Variants in ANK2 observed in about 807,000 individuals in gnomAD.
ANK2 encodes ankyrin-2.
In ANK2, 83 loss-of-function variants were observed where a neutral mutation model predicts 360.5. The ratio of observed to expected loss-of-function variants is 0.23; its 90% CI spans 0.19 to 0.28. The LOEUF is 0.28. Among genes scored for constraint, ANK2 ranks in the 10% least tolerant of loss-of-function variants. The pLI is 1.00. For synonymous variants in ANK2, 1,740 were observed against 1,759.5 expected (o/e 0.99, Z 0.28); for missense variants, 4,201 against 4,795.7 (o/e 0.88, Z 3.66).
At chr4:112,731,418 TTTTTCC>T in the ANK2 span, among the ~76,000 whole-genome samples, 3 of 151,922 alleles carry the variant, frequency 2.0e-5, no homozygotes, top group South Asian at 6.2e-4. Context: ...TATGTACACT[TTTTTCC>T]ATTAAAATAA....
chr4:112,770,414 A>T, the ANK2 span, among the ~76,000 whole-genome samples: 1 of 152,178 alleles, frequency 6.6e-6, no homozygotes, highest in Non-Finnish European at 1.5e-5. Context: ...TATCAGATTT[A>T]TGTGCATTAG....
the ANK2 span, among the ~76,000 whole-genome samples, chr4:112,751,428 G>A: frequency 6.6e-6 from 1 of 152,178 alleles, no homozygotes; most frequent in Admixed American, 6.5e-5. Context: ...AAATCCATGA[G>A]GTTAGACTAA....
intron 1 of ANK2, among the ~76,000 whole-genome samples, chr4:113,173,605 T>C (rs1009122772): frequency 6.6e-6 from 1 of 152,186 alleles, no homozygotes. Context: ...CGTGTGATTG[T>C]AACTGTGCAT....
chr4:113,131,134 G>T (rs535488793), intron 1 of ANK2, among the ~76,000 whole-genome samples: 1 of 152,128 alleles, frequency 6.6e-6, no homozygotes, highest in South Asian at 2.1e-4. Flanking sequence ...TAATCCTCCT[G>T]TTTTCAATTC....
At chr4:113,153,700 A>T (rs1248481550) in intron 1 of ANK2, among the ~76,000 whole-genome samples, 1 of 152,186 alleles carries the variant, frequency 6.6e-6, no homozygotes, top group Non-Finnish European at 1.5e-5. Flanking sequence ...ACAGTATGAA[A>T]AGTCTAGTTA....
At chr4:112,710,764 A>G in the ANK2 span, among the ~76,000 whole-genome samples, 3 of 151,686 alleles carry the variant, frequency 2.0e-5, no homozygotes, top group African/African-American at 7.3e-5. Context: ...TTTTTCCAGC[A>G]TCATGGTTGC....
At chr4:112,752,101 G>C in the ANK2 span, among the ~76,000 whole-genome samples, 1 of 152,186 alleles carries the variant, frequency 6.6e-6, no homozygotes, top group African/African-American at 2.4e-5. Flanking sequence ...AGAAATTAGA[G>C]GTTTTTTATG....
At chr4:113,119,877 T>C (rs1173317719) in intron 1 of ANK2, among the ~76,000 whole-genome samples, 2 of 151,288 alleles carry the variant, frequency 1.3e-5, no homozygotes, top group Non-Finnish European at 3.0e-5. Flanking sequence ...TTTTGTAAAC[T>C]TACTGTTAAT....
intron 2 of ANK2, among the ~76,000 whole-genome samples, chr4:112,998,865 C>G (rs1578677571): frequency 6.6e-6 from 1 of 152,114 alleles, no homozygotes; most frequent in South Asian, 2.1e-4. Context: ...AAAATGAACA[C>G]TCTTCTAAAT....
intron 17 of ANK2, among the ~76,000 whole-genome samples, chr4:113,279,026 C>T (rs1024533047): frequency 1.3e-5 from 2 of 151,826 alleles, no homozygotes; most frequent in African/African-American, 4.8e-5. Flanking sequence ...CTCTAAGTCC[C>T]TAGATTCAGA....
rs774595471 is a variant in ANK2 at position 113,354,691 on chromosome 4, G to A, written c.6073G>A (p.Gly2025Ser). The A allele has an allele frequency of 5.6e-6, 9 of 1,614,026 alleles. No individual in the cohort carries two copies. In the East Asian group the frequency reaches 2.0e-4, roughly 36 times the overall value. ...AAAACAAAAGCAGCCACAAGAGAAAGGTAAAGTTCGGGTAGAAAAAGAAAA... is the reference window on the plus strand; with the variant it reads ...AAAACAAAAGCAGCCACAAGAGAAAAGTAAAGTTCGGGTAGAAAAAGAAAA... ...SAKQKQPQEK[G>S]KVRVEKEKGP... Residue 2025 changes from glycine (G) to serine (S), a missense_variant, in exon 38 of 46, where the codon GGT becomes AGT. Coordinates refer to ENST00000357077, the MANE Select transcript of ANK2 (RefSeq NM_001148.6).
At chr4:112,712,603 T>C in the ANK2 span, among the ~76,000 whole-genome samples, 255 of 150,840 alleles carry the variant, frequency 1.7e-3, 2 homozygotes, top group South Asian at 6.5e-3. Flanking sequence ...GAGATGGGGT[T>C]TCACCGTGTT....
At chr4:112,908,963 G>T (rs1036471414) in intron 2 of ANK2, among the ~76,000 whole-genome samples, 4 of 152,144 alleles carry the variant, frequency 2.6e-5, no homozygotes, top group East Asian at 1.9e-4. Flanking sequence ...AATTAAAAGG[G>T]TTAAATATGA....
At chr4:113,230,682 A>C (rs923595937) in intron 4 of ANK2, among the ~76,000 whole-genome samples, 1 of 152,236 alleles carries the variant, frequency 6.6e-6, no homozygotes, top group Admixed American at 6.5e-5. Context: ...AAGGTTTTGT[A>C]GGTTTTTTCC....
chr4:113,302,141 G>T (rs2075323204), intron 22 of ANK2, among the ~76,000 whole-genome samples: 1 of 152,178 alleles, frequency 6.6e-6, no homozygotes, highest in African/African-American at 2.4e-5. Flanking sequence ...GCTAGACTCA[G>T]ATCCTTGTCT....
At chr4:113,045,405 A>G (rs1365077186), upstream of ANK2, among the ~76,000 whole-genome samples, 1 of 152,208 alleles carries the variant, frequency 6.6e-6, no homozygotes, top group Admixed American at 6.6e-5. Context: ...CATTGAAGCC[A>G]GCTATGATTT....
chr4:112,756,907 A>G, the ANK2 span, among the ~76,000 whole-genome samples: 7 of 152,138 alleles, frequency 4.6e-5, no homozygotes, highest in Admixed American at 3.3e-4. Flanking sequence ...CGGGAGGCAG[A>G]GGTTGCAGTG....
At chr4:113,162,131 G>A (rs907778057) in intron 1 of ANK2, among the ~76,000 whole-genome samples, 1 of 151,896 alleles carries the variant, frequency 6.6e-6, no homozygotes, top group African/African-American at 2.4e-5. Flanking sequence ...CTTATTACAC[G>A]CAAAAGCTAG....
At chr4:112,833,299 G>C (rs1030905280) in intron 1 of ANK2, among the ~76,000 whole-genome samples, 4 of 152,184 alleles carry the variant, frequency 2.6e-5, no homozygotes, top group Admixed American at 1.3e-4. Context: ...AATCTAGACC[G>C]CTAGAATATT....
Sources: allele counts gnomAD v4.1 joint callset (sites outside exome capture counted in the v4.1 genomes callset), GRCh38; gene constraint gnomAD v4.1.1; transcripts MANE v1.5; gene names NCBI Gene and HGNC (gene_info 2026-07-23, HGNC 2026-07-21).